The following ZNG1E variants were observed in gnomAD, a reference collection of about 807,000 sequenced individuals.
ZNG1E encodes the protein Zn regulated GTPase metalloprotein activator 1E, also known as zinc-regulated GTPase metalloprotein activator 1E.
the ZNG1E span, among the ~76,000 whole-genome samples, chr9:65,677,520 T>C: frequency 6.6e-6 from 1 of 152,286 alleles, no homozygotes; most frequent in Non-Finnish European, 1.5e-5. Flanking sequence ...TGAAACTTCG[T>C]CTGTTACCAT....
the ZNG1E span, among the ~76,000 whole-genome samples, chr9:65,684,550 G>GCACACGCA: frequency 1.5e-3 from 198 of 132,528 alleles, no homozygotes; most frequent in African/African-American, 2.4e-3. Context: ...ACACACGCAC[G>GCACACGCA]CACACACACA....
the ZNG1E span, among the ~76,000 whole-genome samples, chr9:65,661,225 G>A: frequency 3.7e-4 from 46 of 122,864 alleles, 1 homozygote; most frequent in Non-Finnish European, 9.8e-5. Flanking sequence ...AATTGGCTCC[G>A]GAAGAAAATA....
At chr9:65,711,725 GC>G in the ZNG1E span, among the ~76,000 whole-genome samples, 1 of 144,180 alleles carries the variant, frequency 6.9e-6, no homozygotes, top group Non-Finnish European at 1.5e-5. Context: ...TGGTGGATAA[GC>G]TTTTTGATGT....
the ZNG1E span, among the ~76,000 whole-genome samples, chr9:65,663,884 C>T: frequency 6.6e-6 from 1 of 151,996 alleles, no homozygotes. Flanking sequence ...ATCTATAGTA[C>T]TCCCTGAGGT....
the ZNG1E span, chr9:65,677,037 T>A: frequency 2.1e-6 from 1 of 483,358 alleles, no homozygotes; most frequent in Non-Finnish European, 3.1e-6. Flanking sequence ...CTGCTTTTTT[T>A]TTTAAAAAAC....
chr9:65,717,735 T>C, the ZNG1E span, among the ~76,000 whole-genome samples: 1 of 148,672 alleles, frequency 6.7e-6, no homozygotes, highest in African/African-American at 2.6e-5. Flanking sequence ...TTGCCCAGGC[T>C]AGAGTGCAGT....
chr9:65,661,085 C>T, the ZNG1E span, among the ~76,000 whole-genome samples: 1 of 148,382 alleles, frequency 6.7e-6, no homozygotes, highest in Non-Finnish European at 1.5e-5. Flanking sequence ...TTGAGAGATG[C>T]TAGATATATA....
chr9:65,721,351 CAT>C, the ZNG1E span, among the ~76,000 whole-genome samples: 19 of 142,850 alleles, frequency 1.3e-4, no homozygotes, highest in Non-Finnish European at 2.8e-4. Context: ...ATCAGAATCA[CAT>C]GTGGAGCTTT....
At chr9:65,666,901 AC>A in the ZNG1E span, among the ~76,000 whole-genome samples, 1 of 152,226 alleles carries the variant, frequency 6.6e-6, no homozygotes, top group Non-Finnish European at 1.5e-5. Context: ...GCTCACTGCA[AC>A]CTCCATCTCC....
At chr9:65,691,692 T>A in the ZNG1E span, among the ~76,000 whole-genome samples, 2 of 152,348 alleles carry the variant, frequency 1.3e-5, no homozygotes, top group Non-Finnish European at 2.9e-5. Flanking sequence ...ATGAGGATCA[T>A]ATTTTTGCTT....
chr9:65,657,997 G>C, the ZNG1E span, among the ~76,000 whole-genome samples: 1 of 152,240 alleles, frequency 6.6e-6, no homozygotes, highest in Non-Finnish European at 1.5e-5. Flanking sequence ...TACTCGGGAG[G>C]CTGAGGCAGG....
chr9:65,677,825 G>A, the ZNG1E span, among the ~76,000 whole-genome samples: 1 of 151,910 alleles, frequency 6.6e-6, no homozygotes, highest in East Asian at 1.9e-4. Context: ...AAGTGTTTTA[G>A]CCCCTTGGAA....
At chr9:65,670,750 G>A in the ZNG1E span, among the ~76,000 whole-genome samples, 28 of 123,458 alleles carry the variant, frequency 2.3e-4, no homozygotes, top group African/African-American at 9.2e-4. Context: ...GCCTGCAAAT[G>A]GTTTTTACAT....
At chr9:65,731,602 AATTATT>A in the ZNG1E span, 12 of 1,571,414 alleles carry the variant, frequency 7.6e-6, no homozygotes, top group African/African-American at 1.8e-4. Flanking sequence ...TACTATAAAG[AATTATT>A]ATTATTTCCC....
the ZNG1E span, among the ~76,000 whole-genome samples, chr9:65,728,414 C>A: frequency 6.7e-6 from 1 of 148,286 alleles, no homozygotes; most frequent in African/African-American, 2.6e-5. Context: ...ACAAAAAAAT[C>A]CAAAAGATAA....
At chr9:65,724,891 ATAT>A in the ZNG1E span, among the ~76,000 whole-genome samples, 5 of 87,910 alleles carry the variant, frequency 5.7e-5, no homozygotes, top group Admixed American at 2.6e-4. Context: ...TTAAAAATGC[ATAT>A]TATTATTACC....
chr9:65,680,691 C>A, the ZNG1E span, among the ~76,000 whole-genome samples: 1 of 152,382 alleles, frequency 6.6e-6, no homozygotes, highest in South Asian at 2.1e-4. Context: ...AAAAGTAAAA[C>A]ATTTAAAGTA....
chr9:65,665,426 G>A, the ZNG1E span, among the ~76,000 whole-genome samples: 13 of 152,382 alleles, frequency 8.5e-5, no homozygotes, highest in Middle Eastern at 3.4e-3. Flanking sequence ...TTGAGCCTGC[G>A]GGTGCACAGA....
At chr9:65,672,518 G>C in the ZNG1E span, among the ~76,000 whole-genome samples, 9 of 151,746 alleles carry the variant, frequency 5.9e-5, no homozygotes, top group Non-Finnish European at 1.0e-4. Flanking sequence ...GGCTAAGGTG[G>C]ATGGATCAGG....
Sources: allele counts gnomAD v4.1 joint callset (sites outside exome capture counted in the v4.1 genomes callset), GRCh38; gene constraint gnomAD v4.1.1; transcripts MANE v1.5; gene names NCBI Gene and HGNC (gene_info 2026-07-23, HGNC 2026-07-21).